The following RNF111 variants were observed in gnomAD, a reference collection of about 807,000 sequenced individuals.
RNF111 encodes E3 ubiquitin-protein ligase Arkadia.
RNF111 carries 17 observed loss-of-function variants against 95.1 expected under a neutral mutation model. The observed-to-expected ratio is 0.18, with a 90% CI of 0.12 to 0.27. The LOEUF (loss-of-function observed/expected upper bound fraction) is 0.27, where lower values mean the gene tolerates loss of function less well. Ranked by LOEUF, RNF111 falls within the 10% of genes least tolerant of loss-of-function variation. RNF111 has a pLI of 1.00. For missense variants in RNF111, 1,189 were observed against 1,210.4 expected, an observed-to-expected ratio of 0.98 and a Z score of 0.26; for synonymous variants, 440 against 414.8, an observed-to-expected ratio of 1.06 and a Z score of -0.74.
At chr15:59,081,759 A>T (rs2078751461) in intron 8 of RNF111, among the ~76,000 whole-genome samples, 1 of 150,840 alleles carries the variant, frequency 6.6e-6, no homozygotes. Context: ...GGCTGCAGTG[A>T]TTCACCCCTA....
chr15:58,997,138 G>A (rs1403794737), intron 1 of RNF111, among the ~76,000 whole-genome samples: 15 of 151,780 alleles, frequency 9.9e-5, no homozygotes, highest in Admixed American at 9.8e-4. Flanking sequence ...AAATTTATAA[G>A]GTACAAAGAA....
intron 2 of RNF111, among the ~76,000 whole-genome samples, chr15:59,034,771 C>G (rs1300255324): frequency 2.0e-5 from 3 of 152,140 alleles, no homozygotes; most frequent in Non-Finnish European, 4.4e-5. Context: ...AGAACTAGAA[C>G]TTGAACTCAG....
Position 59,095,182 on chromosome 15 carries a change from C to A in RNF111, c.*282C>A. On this transcript the variant is annotated 3_prime_UTR_variant, in exon 14 of 14. Transcript: ENST00000348370. ...TGCATTTCTTTGCACATATTATGGG[C>A]TTGTGACCCTAAACTTGCAGGCAAG... The A allele has an allele frequency of 3.3e-6, 1 of 302,354 alleles. No homozygotes were observed. Among genetic ancestry groups the A allele is most frequent in the Non-Finnish European group, 6.2e-6 (1 of 161,998 alleles). 18.7% of individuals were successfully genotyped at this position (302,354 alleles called of 1,614,324 possible).
rs369858565 is a variant in RNF111, at chr15:59,042,610, G to A, written c.881-9695G>A. On this transcript the variant is annotated intron_variant, in intron 2 of 13. Transcript: ENST00000348370. ...AGATCCATTTGGTGTTTATCCTTACGTATAATAGGAAAAATGGACCAAATT... is the reference window on the plus strand; with the variant it reads ...AGATCCATTTGGTGTTTATCCTTACATATAATAGGAAAAATGGACCAAATT... 1.8e-4 allele frequency among the ~76,000 whole-genome samples: 27 copies of A among 152,100 alleles called. No homozygotes were observed. In the South Asian group the frequency reaches 2.3e-3, roughly 13 times the overall value.
rs1418140501 is a variant in RNF111 at position 59,031,667 on chromosome 15, G to T, written c.845G>T (p.Ser282Ile). Reference sequence around the variant, plus strand: ...GAAGAAGATTTGTTTGTTTCTGCCAGTGAAAACCACCAAAACAATCCAGCT... The same window carrying T: ...GAAGAAGATTTGTTTGTTTCTGCCATTGAAAACCACCAAAACAATCCAGCT... ...EGEEDLFVSASENHQNNPAVP... is the reference protein window; with the variant it reads ...EGEEDLFVSAIENHQNNPAVP... Residue 282 changes from serine (S) to isoleucine (I), a missense_variant, in exon 2 of 14, where the codon AGT (serine) becomes ATT (isoleucine). Ser to Ile is a moderately radical substitution (Grantham distance 142). This residue lies in a region of RNF111 where 1,024 missense variants were observed against 925.9 expected (regional missense o/e 1.11). Transcript: ENST00000348370. 11 of 1,613,880 alleles carry T rather than the reference G, an allele frequency of 6.8e-6. No homozygotes were observed. The highest frequency in any genetic ancestry group is 1.3e-5 in the African/African-American group (1 of 74,902).
chr15:58,988,664 A>G (rs1457338184), intron 1 of RNF111, among the ~76,000 whole-genome samples: 6 of 152,274 alleles, frequency 3.9e-5, no homozygotes, highest in Non-Finnish European at 8.8e-5. Context: ...ATTTGTTACA[A>G]CAGTTCTTAA....
chr15:59,026,779 G>A (rs1468596541), intron 1 of RNF111, among the ~76,000 whole-genome samples: 2 of 152,036 alleles, frequency 1.3e-5, no homozygotes, highest in Admixed American at 6.6e-5. Context: ...AAAAAAAATA[G>A]TATGAATTAC....
chr15:59,052,070 A>G (rs1239575389), intron 2 of RNF111, among the ~76,000 whole-genome samples: 1 of 152,342 alleles, frequency 6.6e-6, no homozygotes, highest in Non-Finnish European at 1.5e-5. Context: ...AATGAATACA[A>G]CAAATCCATA....
At chr15:59,085,883 A>G in intron 10 of RNF111, 98 bp downstream of exon 10, 2 of 1,048,202 alleles carry the variant, frequency 1.9e-6, no homozygotes, top group Non-Finnish European at 2.7e-6. Flanking sequence ...AGATGTTTTA[A>G]TAGAATTTGA....
At chr15:59,084,485 G>A (rs1323489754) in intron 9 of RNF111, 2 of 348,440 alleles carry the variant, frequency 5.7e-6, no homozygotes, top group East Asian at 4.5e-5. Context: ...GTTATTTTAT[G>A]TTTAATTGAA....
At chr15:58,998,051 C>T (rs1396591951) in intron 1 of RNF111, among the ~76,000 whole-genome samples, 14 of 151,180 alleles carry the variant, frequency 9.3e-5, no homozygotes, top group African/African-American at 3.2e-4. Flanking sequence ...ATTACAGGCC[C>T]GTGCCACCAC....
chr15:59,018,540 G>T (rs1006747250), intron 1 of RNF111, among the ~76,000 whole-genome samples: 2 of 151,544 alleles, frequency 1.3e-5, no homozygotes, highest in Admixed American at 1.3e-4. Flanking sequence ...TTGGTAAATG[G>T]TTACTTTTTA....
intron 7 of RNF111, among the ~76,000 whole-genome samples, chr15:59,078,785 G>A (rs1368067637): frequency 6.6e-6 from 1 of 151,778 alleles, no homozygotes; most frequent in South Asian, 2.1e-4. Context: ...CTTGAACCTG[G>A]GAGATGGAGA....
In RNF111 at chr15:59,058,489, C is replaced by G. The variant is rs1196414125; in HGVS notation, c.1305C>G (p.Ser435=). Residue 435 remains serine (S), a synonymous_variant, in exon 5 of 14, where the codon TCC becomes TCG. Coordinates refer to ENST00000348370, the MANE Select transcript of RNF111 (RefSeq NM_017610.8). The part of the protein sequence containing the change: ...TASAVTSSQP[S]TVSETSATLT... Reference sequence around the variant, plus strand: ...CAGCTGTCACCAGTAGCCAACCTTCCACAGTGTCAGAGACTTCAGCTACTC... The same window carrying G: ...CAGCTGTCACCAGTAGCCAACCTTCGACAGTGTCAGAGACTTCAGCTACTC... The G allele has an allele frequency of 1.2e-6, 2 of 1,614,110 alleles. No homozygotes were observed. Among genetic ancestry groups the G allele is most frequent in the South Asian group, 1.1e-5 (1 of 91,084 alleles).
chr15:59,081,855 C>T (rs536799037), intron 8 of RNF111, among the ~76,000 whole-genome samples: 1 of 152,220 alleles, frequency 6.6e-6, no homozygotes, highest in South Asian at 2.1e-4. Flanking sequence ...AAGGAGACCT[C>T]GTCTCCACCA....
Position 59,080,963 on chromosome 15 carries a change from A to C in RNF111, c.1976A>C (p.His659Pro), listed in dbSNP as rs746893754. The change falls in exon 8 of 14, where the codon CAT (histidine) becomes CCT (proline). Residue 659 changes from histidine (H) to proline (P), a missense_variant. Physicochemically the swap from His to Pro is moderately conservative, Grantham distance 77. Transcript: ENST00000348370. ...GCCTCTTTGACAAGGCCACTTCATC[A>C]TCAAGCTTCTGCCTGCCCGCATTCT... ...PYASLTRPLH[H>P]QASACPHSHG... 6.2e-7 allele frequency: 1 copy of C among 1,613,056 alleles called. No homozygotes were observed. The highest frequency in any genetic ancestry group is 8.5e-7 in the Non-Finnish European group (1 of 1,179,428).
intron 1 of RNF111, among the ~76,000 whole-genome samples, chr15:59,026,650 T>G (rs1035317302): frequency 3.3e-5 from 5 of 152,232 alleles, no homozygotes; most frequent in South Asian, 2.1e-4. Flanking sequence ...GCAATACTTG[T>G]GTTTATTTCC....
chr15:59,007,736 A>G (rs2039606554), intron 1 of RNF111, among the ~76,000 whole-genome samples: 1 of 152,060 alleles, frequency 6.6e-6, no homozygotes, highest in African/African-American at 2.4e-5. Context: ...CTATAGTTTT[A>G]ATTTGCATTC....
chr15:59,067,170 C>T, intron 6 of RNF111, 87 bp downstream of exon 6: 1 of 1,124,114 alleles, frequency 8.9e-7, no homozygotes, highest in Non-Finnish European at 1.3e-6. Flanking sequence ...CTTCCTCTTC[C>T]TTCATTCCTG....
Sources: allele counts gnomAD v4.1 joint callset (sites outside exome capture counted in the v4.1 genomes callset), GRCh38; gene constraint gnomAD v4.1.1; regional missense constraint gnomAD v4.1.1; transcripts MANE v1.5; gene names NCBI Gene and HGNC (gene_info 2026-07-23, HGNC 2026-07-21).